KIAA0319: variants seen among roughly 807,000 people sequenced by gnomAD.
KIAA0319 encodes the protein KIAA0319.
Under a neutral mutation model 108.4 loss-of-function variants are expected in KIAA0319, and 83 were observed. The observed-to-expected ratio is 0.77, with a 90% CI of 0.64 to 0.92. The LOEUF is 0.92. KIAA0319 is among the 40% of genes least tolerant of loss of function. The pLI, the probability that KIAA0319 is intolerant of heterozygous loss-of-function variation, is 0.00. For synonymous variants in KIAA0319, 484 were observed against 510.4 expected (o/e 0.95, Z 0.70); for missense variants, 1,195 against 1,322.4 (o/e 0.90, Z 1.49).
chr6:24,549,519 C>A (rs186114325), intron 20 of KIAA0319, among the ~76,000 whole-genome samples: 16 of 152,048 alleles, frequency 1.1e-4, no homozygotes, highest in Non-Finnish European at 2.2e-4. Flanking sequence ...TTTGTTAGAG[C>A]AGCCCAAACA....
chr6:24,590,685 C>A (rs984082114), intron 3 of KIAA0319, among the ~76,000 whole-genome samples: 2 of 152,138 alleles, frequency 1.3e-5, no homozygotes, highest in Non-Finnish European at 2.9e-5. Flanking sequence ...ATTAAGGCAC[C>A]TTGGGCCAAG....
At chr6:24,625,540 C>T (rs992479630) in intron 1 of KIAA0319, among the ~76,000 whole-genome samples, 2 of 152,164 alleles carry the variant, frequency 1.3e-5, no homozygotes, top group South Asian at 4.1e-4. Flanking sequence ...TTTGCTCTCA[C>T]CACTTCTATC....
At chr6:24,592,805 T>C (rs1768720855) in intron 3 of KIAA0319, among the ~76,000 whole-genome samples, 1 of 152,016 alleles carries the variant, frequency 6.6e-6, no homozygotes, top group Non-Finnish European at 1.5e-5. Flanking sequence ...ATCCCATCTC[T>C]ACCAAAAACA....
rs1766229411 is a variant in KIAA0319 at position 24,579,958 on chromosome 6, A to AG, written c.1280-9_1280-8insC. 6.7e-7 allele frequency: 1 copy of AG among 1,500,924 alleles called. No homozygotes were observed. Among genetic ancestry groups the AG allele is most frequent in the African/African-American group, 1.7e-5 (1 of 58,944 alleles). The allele number at this position is 1,500,924 out of a possible 1,614,324, so 93.0% of individuals were successfully genotyped here. On this transcript the variant is annotated splice_polypyrimidine_tract_variant and intron_variant, in intron 7 of 20. Coordinates refer to ENST00000378214, the MANE Select transcript of KIAA0319 (RefSeq NM_014809.4). ...GCAGGTTGACTCTTCTGGCTGTAAC[A>AG]AAAAAAAGGACAGTGACTGAGCCCA...
chr6:24,583,796 A>T, intron 4 of KIAA0319, 94 bp from the exon 5 acceptor site: 1 of 776,920 alleles, frequency 1.3e-6, no homozygotes, highest in South Asian at 1.7e-5. Flanking sequence ...TCCATAAATT[A>T]AAATAACATA....
At chr6:24,627,262 C>T (rs1468157307) in intron 1 of KIAA0319, among the ~76,000 whole-genome samples, 1 of 152,138 alleles carries the variant, frequency 6.6e-6, no homozygotes, top group Non-Finnish European at 1.5e-5. Flanking sequence ...CCAAGACATC[C>T]TTATGTGTAC....
At chr6:24,625,485 A>G (rs993061114) in intron 1 of KIAA0319, among the ~76,000 whole-genome samples, 3 of 152,188 alleles carry the variant, frequency 2.0e-5, no homozygotes, top group Non-Finnish European at 2.9e-5. Context: ...ATAATTGTGA[A>G]AGCCTGAAAA....
chr6:24,550,790 G>C (rs1201877678), intron 20 of KIAA0319, among the ~76,000 whole-genome samples: 2 of 152,062 alleles, frequency 1.3e-5, no homozygotes, highest in Non-Finnish European at 2.9e-5. Context: ...GCAGGTGCTG[G>C]GGACATCTCT....
intron 11 of KIAA0319, among the ~76,000 whole-genome samples, chr6:24,570,422 A>G (rs533335213): frequency 1.3e-5 from 2 of 152,214 alleles, no homozygotes; most frequent in South Asian, 4.1e-4. Flanking sequence ...CCCCGTCTCT[A>G]CTAAAAATAC....
At chr6:24,556,750 C>A in intron 17 of KIAA0319, 21 bp from the exon 18 acceptor site, 3 of 1,603,716 alleles carry the variant, frequency 1.9e-6, no homozygotes, top group Non-Finnish European at 2.6e-6. Context: ...GTGTGTAGGG[C>A]TGAGGGCAGC....
chr6:24,639,233 T>C (rs1443983427), intron 1 of KIAA0319, among the ~76,000 whole-genome samples: 1 of 152,146 alleles, frequency 6.6e-6, no homozygotes, highest in East Asian at 1.9e-4. Flanking sequence ...AATCAAACTG[T>C]AGAACAACAA....
Position 24,612,829 on chromosome 6 carries a change from C to T in KIAA0319, c.-105-11621G>A, listed in dbSNP as rs550902749. On this transcript the variant is annotated intron_variant, in intron 1 of 20. Transcript: ENST00000378214. ...TGTTGTTGTTTTTGAGACTGAGTCTCACTCTGTCGCCCAGGCTGGAGTGCA... is the reference window on the plus strand; with the variant it reads ...TGTTGTTGTTTTTGAGACTGAGTCTTACTCTGTCGCCCAGGCTGGAGTGCA... Among the ~76,000 whole-genome samples, 13 of 152,214 alleles carry T rather than the reference C, an allele frequency of 8.5e-5. No homozygotes were observed. The South Asian group carries it at 2.5e-3, about 29-fold the overall frequency.
In KIAA0319 at chr6:24,601,114, A is replaced by G. The variant is rs146563017; in HGVS notation, c.-11T>C. 2,475 of 1,614,050 alleles carry G rather than the reference A, an allele frequency of 1.5e-3. 6 individuals carry two copies. The highest frequency in any genetic ancestry group is 9.4e-3 in the Middle Eastern group (57 of 6,062). On this transcript the variant is annotated 5_prime_UTR_variant, in exon 2 of 21. Coordinates refer to ENST00000378214, the MANE Select transcript of KIAA0319 (RefSeq NM_014809.4). Reference sequence around the variant, plus strand: ...TGTGGGGGGCGCCATTGTGCACCACACAGTGGGTGATGGCAGGCTTCTGAG... The same window carrying G: ...TGTGGGGGGCGCCATTGTGCACCACGCAGTGGGTGATGGCAGGCTTCTGAG...
At chr6:24,625,521 G>A (rs527931900) in intron 1 of KIAA0319, among the ~76,000 whole-genome samples, 1 of 152,280 alleles carries the variant, frequency 6.6e-6, no homozygotes, top group South Asian at 2.1e-4. Context: ...TCAGGAAGAA[G>A]ACAAGGATTT....
At chr6:24,634,099 G>C (rs1435887050) in intron 1 of KIAA0319, among the ~76,000 whole-genome samples, 2 of 152,206 alleles carry the variant, frequency 1.3e-5, no homozygotes, top group African/African-American at 4.8e-5. Context: ...GTTCCACAGA[G>C]TAAAAAGTAG....
rs563245689 is a variant in KIAA0319 at position 24,566,536 on chromosome 6, A to G, written c.2292+61T>C. ...TACCGTGATATATTGTTTGCAGCCC[A>G]AGCTGACTAATGCAGATGTAATGAT... On this transcript the variant is annotated intron_variant, in intron 14 of 20. Coordinates refer to ENST00000378214, the MANE Select transcript of KIAA0319 (RefSeq NM_014809.4). 42 of 1,441,968 alleles carry G rather than the reference A, an allele frequency of 2.9e-5. No individual in the cohort carries two copies. The East Asian group carries it at 8.0e-4, about 28-fold the overall frequency. 89.3% of individuals were successfully genotyped at this position (1,441,968 alleles called of 1,614,324 possible). A position where few individuals can be genotyped will look rare whatever the true frequency, so the allele number is the denominator to read the frequency against.
At chr6:24,568,224 C>T (rs12213545) in intron 13 of KIAA0319, among the ~76,000 whole-genome samples, 12,931 of 152,236 alleles carry the variant, frequency 0.085, 600 homozygotes, top group South Asian at 0.15. Context: ...CACTTCAACA[C>T]GTTGTAATCA....
intron 1 of KIAA0319, among the ~76,000 whole-genome samples, chr6:24,619,949 T>A (rs572503793): frequency 4.6e-5 from 7 of 152,330 alleles, no homozygotes; most frequent in African/African-American, 1.7e-4. Context: ...CCATCTGAAA[T>A]GACAATCACA....
chr6:24,624,683 G>A (rs905017553), intron 1 of KIAA0319, among the ~76,000 whole-genome samples: 5 of 152,144 alleles, frequency 3.3e-5, no homozygotes, highest in Admixed American at 3.3e-4. Flanking sequence ...CTCTAGGGAA[G>A]GGGATGGAAA....
Sources: gnomAD v4.1 joint callset for allele counts (sites outside exome capture counted in the v4.1 genomes callset) on GRCh38, gnomAD v4.1.1 for gene constraint, MANE v1.5 for transcripts, NCBI Gene and HGNC (gene_info 2026-07-23, HGNC 2026-07-21) for gene names.